The following FBXL20 variants were observed in gnomAD, a reference collection of about 807,000 sequenced individuals.
FBXL20 encodes F-box and leucine rich repeat protein 20.
Under a neutral mutation model 64.0 loss-of-function variants are expected in FBXL20, and 11 were observed. The ratio of observed to expected loss-of-function variants is 0.17; its 90% CI spans 0.11 to 0.28. FBXL20 has a LOEUF of 0.28. Ranked by LOEUF, FBXL20 falls within the 10% of genes least tolerant of loss-of-function variation. The probability of loss-of-function intolerance (pLI) is 1.00; values close to 1 mark genes in which losing one functional copy is unlikely to be tolerated. For synonymous variants in FBXL20, 184 were observed against 189.0 expected (o/e 0.97, Z 0.22); for missense variants, 303 against 526.2 (o/e 0.58, Z 4.15).
At chr17:39,363,326 T>C (rs2047818371) in intron 1 of FBXL20, among the ~76,000 whole-genome samples, 3 of 151,928 alleles carry the variant, frequency 2.0e-5, no homozygotes, top group African/African-American at 7.3e-5. Context: ...ATTTTTATTT[T>C]TAAATTTGTT....
chr17:39,285,436 T>A (rs778379929), intron 7 of FBXL20, 42 bp downstream of exon 7: 3 of 1,122,284 alleles, frequency 2.7e-6, no homozygotes, highest in Admixed American at 5.1e-5. Context: ...AAAATATGTA[T>A]TTTTTTTTGA....
chr17:39,360,684 C>G (rs2047785934), intron 1 of FBXL20, among the ~76,000 whole-genome samples: 1 of 152,144 alleles, frequency 6.6e-6, no homozygotes, highest in Admixed American at 6.6e-5. Context: ...TCCACTTTGT[C>G]CTCTGCTCTA....
At chr17:39,394,209 C>T (rs575145070) in intron 1 of FBXL20, among the ~76,000 whole-genome samples, 3 of 151,882 alleles carry the variant, frequency 2.0e-5, no homozygotes, top group South Asian at 2.1e-4. Context: ...CCTGGTGTCA[C>T]GGAATATTTT....
At chr17:39,365,794 A>C (rs955386416) in intron 1 of FBXL20, among the ~76,000 whole-genome samples, 4 of 152,184 alleles carry the variant, frequency 2.6e-5, no homozygotes, top group Admixed American at 1.3e-4. Context: ...GGTGCTGCTT[A>C]ATCCTGGAAA....
At chr17:39,373,962 C>T (rs1285847555) in intron 1 of FBXL20, among the ~76,000 whole-genome samples, 1 of 152,082 alleles carries the variant, frequency 6.6e-6, no homozygotes, top group African/African-American at 2.4e-5. Flanking sequence ...TGGTCCACGC[C>T]TGTATTCCCA....
At chr17:39,264,607 A>G (rs2046775911) in intron 13 of FBXL20, among the ~76,000 whole-genome samples, 1 of 152,242 alleles carries the variant, frequency 6.6e-6, no homozygotes, top group East Asian at 1.9e-4. Flanking sequence ...AATATATTTT[A>G]TAAATTCATG....
Position 39,362,019 on chromosome 17 carries a change from G to A in FBXL20, c.43-18778C>T, listed in dbSNP as rs375529095. Among the ~76,000 whole-genome samples, 11 of 151,776 alleles carry A rather than the reference G, an allele frequency of 7.2e-5. No individual in the cohort carries two copies. The East Asian group carries it at 1.4e-3, about 19-fold the overall frequency. ...AAAAAATGCCCTGGCCAGGCATGGT[G>A]GCTGATACCTGTAATCCCAGCACTT... On this transcript the variant is annotated intron_variant, in intron 1 of 14. Transcript: ENST00000264658.
intron 2 of FBXL20, among the ~76,000 whole-genome samples, chr17:39,310,237 T>A (rs186419482): frequency 2.6e-5 from 4 of 151,974 alleles, no homozygotes; most frequent in South Asian, 4.2e-4. Flanking sequence ...TGACATCAGC[T>A]GGAACCAATG....
intron 1 of FBXL20, among the ~76,000 whole-genome samples, chr17:39,380,020 C>CT (rs2048007346): frequency 6.6e-6 from 1 of 151,966 alleles, no homozygotes; most frequent in South Asian, 2.1e-4. Flanking sequence ...ATAAGTTCTA[C>CT]TTTCAAAAGA....
At chr17:39,364,578 C>A (rs2047840172) in intron 1 of FBXL20, among the ~76,000 whole-genome samples, 1 of 152,058 alleles carries the variant, frequency 6.6e-6, no homozygotes, top group Non-Finnish European at 1.5e-5. Flanking sequence ...CCACTGCACT[C>A]CAGCCTGGGA....
At chr17:39,308,131 A>G (rs1294687441) in intron 2 of FBXL20, among the ~76,000 whole-genome samples, 1 of 151,570 alleles carries the variant, frequency 6.6e-6, no homozygotes, top group Non-Finnish European at 1.5e-5. Context: ...ACTTGCGGCC[A>G]AAAGTTTGAT....
intron 9 of FBXL20, among the ~76,000 whole-genome samples, chr17:39,276,378 G>A (rs571110465): frequency 4.6e-4 from 67 of 145,978 alleles, no homozygotes; most frequent in African/African-American, 1.7e-3. Context: ...GGGAGGGAGG[G>A]AAGTTATTGA....
Position 39,330,966 on chromosome 17 carries a change from G to C in FBXL20, c.104+12214C>G, listed in dbSNP as rs142439998. ...ATAAAATCCTAAATTACAATACTAG[G>C]TACTATGCAAAGAGCTTGGGCCTCA... On this transcript the variant is annotated intron_variant, in intron 2 of 14. Transcript: ENST00000264658. Among the ~76,000 whole-genome samples the C allele has an allele frequency of 1.4e-4, 21 of 152,272 alleles. No individual in the cohort carries two copies. In the East Asian group the frequency reaches 3.9e-3, roughly 28 times the overall value.
At chr17:39,337,586 T>G (rs998354143) in intron 2 of FBXL20, among the ~76,000 whole-genome samples, 3 of 148,872 alleles carry the variant, frequency 2.0e-5, no homozygotes, top group African/African-American at 7.5e-5. Context: ...GGAGCGCCTC[T>G]GCCCGGCCGC....
At chr17:39,299,510 G>A (rs1227817639) in intron 4 of FBXL20, among the ~76,000 whole-genome samples, 1 of 152,102 alleles carries the variant, frequency 6.6e-6, no homozygotes, top group African/African-American at 2.4e-5. Context: ...GGCCAGGCAC[G>A]GTGGCCCACG....
intron 1 of FBXL20, among the ~76,000 whole-genome samples, chr17:39,345,005 T>C: frequency 6.6e-6 from 1 of 152,158 alleles, no homozygotes; most frequent in Admixed American, 6.6e-5. Flanking sequence ...ACTGTAAGCT[T>C]ATCTAGCAAG....
chr17:39,310,162 A>AAG (rs1186374864), intron 2 of FBXL20, among the ~76,000 whole-genome samples: 1 of 151,266 alleles, frequency 6.6e-6, no homozygotes, highest in Non-Finnish European at 1.5e-5. Flanking sequence ...TTAAAAAAAA[A>AAG]AAAAAAGAAA....
intron 1 of FBXL20, among the ~76,000 whole-genome samples, chr17:39,365,559 T>C (rs530901602): frequency 2.6e-5 from 4 of 152,338 alleles, no homozygotes; most frequent in Admixed American, 2.6e-4. Flanking sequence ...CTCAATATTC[T>C]GAGCTTTCTT....
At chr17:39,264,631 G>A (rs2046776296) in intron 13 of FBXL20, among the ~76,000 whole-genome samples, 1 of 152,178 alleles carries the variant, frequency 6.6e-6, no homozygotes, top group African/African-American at 2.4e-5. Flanking sequence ...TGACTATGAA[G>A]TAGTTCATAA....
Sources: gnomAD v4.1 joint callset for allele counts (sites outside exome capture counted in the v4.1 genomes callset) on GRCh38, gnomAD v4.1.1 for gene constraint, MANE v1.5 for transcripts, NCBI Gene and HGNC (gene_info 2026-07-23, HGNC 2026-07-21) for gene names.